MAP2K4: variants seen among roughly 807,000 people sequenced by gnomAD.
The protein encoded by MAP2K4 is mitogen-activated protein kinase kinase 4, also known as dual specificity mitogen-activated protein kinase kinase 4.
Under a neutral mutation model 48.5 loss-of-function variants are expected in MAP2K4, and 4 were observed. The ratio of observed to expected loss-of-function variants is 0.08; its 90% CI spans 0.04 to 0.19. The LOEUF (loss-of-function observed/expected upper bound fraction) is 0.19, where lower values mean the gene tolerates loss of function less well. MAP2K4 is among the 10% of genes least tolerant of loss of function. MAP2K4 has a pLI of 1.00. For synonymous variants in MAP2K4, 166 were observed against 173.1 expected, an observed-to-expected ratio of 0.96 and a Z score of 0.32; for missense variants, 258 against 493.3, an observed-to-expected ratio of 0.52 and a Z score of 4.52.
At chr17:12,099,942 C>A (rs1341275805) in intron 4 of MAP2K4, among the ~76,000 whole-genome samples, 1 of 152,138 alleles carries the variant, frequency 6.6e-6, no homozygotes, top group Admixed American at 6.6e-5. Flanking sequence ...TGTAGAAGTT[C>A]ATCAGATTAT....
intron 3 of MAP2K4, among the ~76,000 whole-genome samples, chr17:12,087,411 A>T (rs1283094524): frequency 6.6e-6 from 1 of 152,094 alleles, no homozygotes; most frequent in Non-Finnish European, 1.5e-5. Context: ...GTGGTTAGTA[A>T]AGAGGAAGAA....
chr17:12,107,872 T>G lies in MAP2K4; in HGVS notation c.596T>G (p.Val199Gly). ...YKYVYSVLDD[V>G]IPEEILGKIT... ...TATGTATATAGTGTATTAGATGATG[T>G]TATTCCAGAAGAAATTTTAGGCAAA... Residue 199 changes from valine (V) to glycine (G), a missense_variant, in exon 5 of 11, where the codon GTT becomes GGT. Val to Gly is a moderately radical substitution (Grantham distance 109). Coordinates refer to ENST00000353533, the MANE Select transcript of MAP2K4 (RefSeq NM_003010.4). The G allele has an allele frequency of 6.3e-7, 1 of 1,598,752 alleles. No individual in the cohort carries two copies. Among genetic ancestry groups the G allele is most frequent in the East Asian group, 2.3e-5 (1 of 44,328 alleles).
chr17:12,031,375 G>A lies in MAP2K4; in HGVS notation c.115+10374G>A, dbSNP rs7208037. 9.4e-3 allele frequency among the ~76,000 whole-genome samples: 1,430 copies of A among 152,174 alleles called. 18 individuals carry two copies. Among genetic ancestry groups the A allele is most frequent in the African/African-American group, 0.032 (1,310 of 41,506 alleles). ...CCTGGCTCTTTTTTCTGCGTGTTTT[G>A]ATTGAATTTGTTTAAACACAAAGTT... On this transcript the variant is annotated intron_variant, in intron 1 of 10. Coordinates refer to ENST00000353533, the MANE Select transcript of MAP2K4 (RefSeq NM_003010.4).
chr17:12,076,329 AG>A (rs1364954272), intron 2 of MAP2K4, among the ~76,000 whole-genome samples: 1 of 82,388 alleles, frequency 1.2e-5, no homozygotes, highest in African/African-American at 3.9e-5. Flanking sequence ...GTGTGTGTTT[AG>A]TCTGTAGGAT....
intron 8 of MAP2K4, among the ~76,000 whole-genome samples, chr17:12,128,855 GGA>G (rs1972940675): frequency 6.6e-6 from 1 of 152,190 alleles, no homozygotes; most frequent in Non-Finnish European, 1.5e-5. Context: ...AGGCTGCCCT[GGA>G]GCATGCATTG....
chr17:12,070,529 G>A (rs1386871963), intron 2 of MAP2K4, among the ~76,000 whole-genome samples: 1 of 152,104 alleles, frequency 6.6e-6, no homozygotes, highest in Non-Finnish European at 1.5e-5. Flanking sequence ...ATAATTGAAG[G>A]TGCTTATCAT....
chr17:12,085,450 T>G (rs2151552186), intron 3 of MAP2K4, among the ~76,000 whole-genome samples: 1 of 151,916 alleles, frequency 6.6e-6, no homozygotes, highest in East Asian at 2.0e-4. Flanking sequence ...ACAGATCTGT[T>G]GTTTGAGGGT....
intron 3 of MAP2K4, among the ~76,000 whole-genome samples, chr17:12,086,144 G>A (rs1023226053): frequency 1.3e-5 from 2 of 152,166 alleles, no homozygotes; most frequent in African/African-American, 2.4e-5. Flanking sequence ...GATCATATTT[G>A]ATTATCCAAA....
In MAP2K4 at chr17:12,092,698, A is replaced by G. The variant is rs557073157; in HGVS notation, c.394-2877A>G. On this transcript the variant is annotated intron_variant, in intron 3 of 10. Coordinates refer to ENST00000353533, the MANE Select transcript of MAP2K4 (RefSeq NM_003010.4). ...GTTTATTAATTCCTCACATATGATAAATGTTACAGTTCAACCCTAAAACAT... is the reference window on the plus strand; with the variant it reads ...GTTTATTAATTCCTCACATATGATAGATGTTACAGTTCAACCCTAAAACAT... Among the ~76,000 whole-genome samples the G allele has an allele frequency of 2.6e-5, 4 of 152,306 alleles. No individual in the cohort carries two copies. In the South Asian group the frequency reaches 6.2e-4, roughly 24 times the overall value.
At chr17:12,053,036 A>G (rs1198188978) in intron 1 of MAP2K4, among the ~76,000 whole-genome samples, 2 of 152,136 alleles carry the variant, frequency 1.3e-5, no homozygotes, top group African/African-American at 2.4e-5. Flanking sequence ...CATTATGAAA[A>G]TCATTTAAAT....
At chr17:12,139,703 AG>A (rs1973315341) in intron 9 of MAP2K4, 135 bp from the exon 10 acceptor site, 2 of 581,170 alleles carry the variant, frequency 3.4e-6, no homozygotes, top group Non-Finnish European at 6.1e-6. Flanking sequence ...TACTGTGTTT[AG>A]CAGGCTGTCT....
chr17:12,095,066 C>T (rs1368245733), intron 3 of MAP2K4, among the ~76,000 whole-genome samples: 14 of 152,022 alleles, frequency 9.2e-5, no homozygotes, highest in African/African-American at 3.1e-4. Flanking sequence ...TCACTTTATC[C>T]GGTTCTGGAC....
chr17:12,059,866 T>C (rs538644987), intron 2 of MAP2K4, among the ~76,000 whole-genome samples: 1 of 152,362 alleles, frequency 6.6e-6, no homozygotes, highest in East Asian at 1.9e-4. Flanking sequence ...CTGTGTCTTA[T>C]AAACGTTGCT....
intron 2 of MAP2K4, among the ~76,000 whole-genome samples, chr17:12,060,910 A>G (rs1403676935): frequency 6.6e-6 from 1 of 152,110 alleles, no homozygotes; most frequent in Non-Finnish European, 1.5e-5. Context: ...ACCATCATCC[A>G]TCTCTAGAAC....
chr17:12,109,931 C>G (rs1052602372), intron 5 of MAP2K4, among the ~76,000 whole-genome samples: 7 of 152,020 alleles, frequency 4.6e-5, no homozygotes, highest in Middle Eastern at 3.4e-3. Flanking sequence ...AATTTGAGAT[C>G]AGCTTGGGCA....
At chr17:12,036,217 C>T (rs1331288517) in intron 1 of MAP2K4, among the ~76,000 whole-genome samples, 1 of 151,968 alleles carries the variant, frequency 6.6e-6, no homozygotes, top group Non-Finnish European at 1.5e-5. Flanking sequence ...ACTGTTGGAT[C>T]ATTGAATTTT....
chr17:12,032,738 AGT>A (rs1281982134), intron 1 of MAP2K4, among the ~76,000 whole-genome samples: 1 of 152,188 alleles, frequency 6.6e-6, no homozygotes, highest in Non-Finnish European at 1.5e-5. Flanking sequence ...AAAACAAAAC[AGT>A]GTTTTTCTTC....
chr17:12,053,503 AT>A lies in MAP2K4; in HGVS notation c.116-1377del, dbSNP rs540429084. ...ATTGCAAGAGTTTTCCCAAGGTTCA[AT>A]TTTTTTTTAGTTTTGTTTTTTGGTA... On this transcript the variant is annotated intron_variant, in intron 1 of 10. Transcript: ENST00000353533. Among the ~76,000 whole-genome samples the A allele has an allele frequency of 2.9e-3, 431 of 146,948 alleles. 2 individuals are homozygous for A. Among genetic ancestry groups the A allele is most frequent in the African/African-American group, 6.8e-3 (272 of 39,986 alleles).
At chr17:12,024,384 C>T (rs1229159037) in intron 1 of MAP2K4, among the ~76,000 whole-genome samples, 1 of 152,070 alleles carries the variant, frequency 6.6e-6, no homozygotes, top group Non-Finnish European at 1.5e-5. Context: ...TGCCACTGTC[C>T]CTCAGATAAT....
Sources: gnomAD v4.1 joint callset for allele counts (sites outside exome capture counted in the v4.1 genomes callset) on GRCh38, gnomAD v4.1.1 for gene constraint, MANE v1.5 for transcripts, NCBI Gene and HGNC (gene_info 2026-07-23, HGNC 2026-07-21) for gene names.